Variants in GTF2F2 observed in about 807,000 individuals in gnomAD.
GTF2F2 encodes ATP-dependent helicase GTF2F2.
Under a neutral mutation model 42.2 loss-of-function variants are expected in GTF2F2, and 23 were observed. The ratio of observed to expected loss-of-function variants is 0.55; its 90% CI spans 0.39 to 0.77. GTF2F2 has a LOEUF of 0.77. Ranked by LOEUF, GTF2F2 falls within the 30% of genes least tolerant of loss-of-function variation. The pLI is 0.00. For synonymous variants in GTF2F2, 105 were observed against 100.8 expected, an observed-to-expected ratio of 1.04 and a Z score of -0.25; for missense variants, 261 against 287.2, an observed-to-expected ratio of 0.91 and a Z score of 0.66.
intron 5 of GTF2F2, among the ~76,000 whole-genome samples, chr13:45,224,780 T>G (rs1874260386): frequency 6.6e-6 from 1 of 152,242 alleles, no homozygotes; most frequent in Non-Finnish European, 1.5e-5. Context: ...TTTTCTGATT[T>G]TTATTCAAAT....
chr13:45,271,556 T>G (rs534337689), intron 7 of GTF2F2, among the ~76,000 whole-genome samples: 1 of 151,640 alleles, frequency 6.6e-6, no homozygotes, highest in South Asian at 2.1e-4. Context: ...CTAATTTTTT[T>G]TTTCTTTCTT....
chr13:45,202,769 A>G (rs972748647), intron 4 of GTF2F2, among the ~76,000 whole-genome samples: 1 of 152,244 alleles, frequency 6.6e-6, no homozygotes, highest in Non-Finnish European at 1.5e-5. Flanking sequence ...CCTGGTTACC[A>G]TGGTGAAACC....
At chr13:45,127,757 C>T (rs1393277424) in intron 1 of GTF2F2, among the ~76,000 whole-genome samples, 4 of 151,662 alleles carry the variant, frequency 2.6e-5, no homozygotes, top group Admixed American at 6.6e-5. Context: ...CTCAGTCTCC[C>T]GAGTAGCTGG....
chr13:45,128,532 C>T (rs551481852), intron 1 of GTF2F2, among the ~76,000 whole-genome samples: 1 of 150,988 alleles, frequency 6.6e-6, no homozygotes, highest in Non-Finnish European at 1.5e-5. Context: ...AAGATCATGC[C>T]ATTGCACTCC....
intron 5 of GTF2F2, among the ~76,000 whole-genome samples, chr13:45,226,509 A>G (rs1874361982): frequency 6.6e-6 from 1 of 152,178 alleles, no homozygotes; most frequent in African/African-American, 2.4e-5. Context: ...TATCAGAGAC[A>G]TACTATTTTG....
At chr13:45,122,775 T>A (rs1868724934) in intron 1 of GTF2F2, among the ~76,000 whole-genome samples, 1 of 152,232 alleles carries the variant, frequency 6.6e-6, no homozygotes, top group Non-Finnish European at 1.5e-5. Context: ...TTAAAAATAA[T>A]ACCTTGAGTT....
rs1180163660 is a variant in GTF2F2 at position 45,124,074 on chromosome 13, T to G, written c.66+3353T>G. 3.1e-6 allele frequency: 3 copies of G among 960,660 alleles called. No individual in the cohort carries two copies. In the African/African-American group the frequency reaches 4.8e-5, roughly 15 times the overall value. 59.5% of individuals were successfully genotyped at this position (960,660 alleles called of 1,614,324 possible). On this transcript the variant is annotated intron_variant, in intron 1 of 7. Coordinates refer to ENST00000340473, the MANE Select transcript of GTF2F2 (RefSeq NM_004128.3). ...ACCCTGTTGCTGTAGCCAAATTCATTGTCTTACCAGGAAATGAACTTGACA... is the reference window on the plus strand; with the variant it reads ...ACCCTGTTGCTGTAGCCAAATTCATGGTCTTACCAGGAAATGAACTTGACA...
In GTF2F2 at chr13:45,128,444, G is replaced by A. The variant is rs191286048; in HGVS notation, c.66+7723G>A. ...AAAAATTAGCTGGGCATGGTGGCGG[G>A]CGTCTATAATCCCAACTACTCGGGA... On this transcript the variant is annotated intron_variant, in intron 1 of 7. Transcript: ENST00000340473. 6.5e-3 allele frequency among the ~76,000 whole-genome samples: 977 copies of A among 150,694 alleles called. 8 individuals are homozygous for A. Among genetic ancestry groups the A allele is most frequent in the African/African-American group, 0.021 (885 of 41,364 alleles).
At chr13:45,205,731 C>T (rs1873386447) in intron 4 of GTF2F2, among the ~76,000 whole-genome samples, 1 of 152,050 alleles carries the variant, frequency 6.6e-6, no homozygotes, top group Admixed American at 6.6e-5. Context: ...TGTTGGCCAG[C>T]ATGGTCTCGA....
chr13:45,237,917 C>T (rs1170588753), intron 5 of GTF2F2, among the ~76,000 whole-genome samples: 1 of 151,702 alleles, frequency 6.6e-6, no homozygotes, highest in African/African-American at 2.4e-5. Flanking sequence ...TATTTAGGCA[C>T]TTTATTTGGA....
intron 6 of GTF2F2, among the ~76,000 whole-genome samples, chr13:45,264,562 C>T (rs1001823381): frequency 2.6e-5 from 4 of 152,138 alleles, no homozygotes; most frequent in African/African-American, 4.8e-5. Flanking sequence ...TGAGCCACTG[C>T]GCCTGGCCCC....
intron 4 of GTF2F2, among the ~76,000 whole-genome samples, chr13:45,174,352 A>C (rs980544092): frequency 6.6e-6 from 1 of 152,214 alleles, no homozygotes; most frequent in African/African-American, 2.4e-5. Context: ...CCACTGCCAC[A>C]TACAGAAAAG....
intron 4 of GTF2F2, among the ~76,000 whole-genome samples, chr13:45,169,098 G>A (rs564213117): frequency 1.7e-4 from 26 of 151,562 alleles, no homozygotes; most frequent in African/African-American, 4.8e-4. Context: ...CAAGTGATCC[G>A]ATCGCCTCGG....
Position 45,165,948 on chromosome 13 carries a change from G to T in GTF2F2, c.304+14117G>T, listed in dbSNP as rs145273181. ...CCTGTCTCAGCCTCCCGAGTAGCTG[G>T]GATTACAGGCGCCCGCCCCTACGCC... is the stretch of plus-strand genomic sequence containing the variant. On this transcript the variant is annotated intron_variant, in intron 4 of 7. Coordinates refer to ENST00000340473, the MANE Select transcript of GTF2F2 (RefSeq NM_004128.3). Among the ~76,000 whole-genome samples the T allele has an allele frequency of 1.4e-3, 215 of 151,470 alleles. 3 individuals carry two copies. In the East Asian group the frequency reaches 0.039, roughly 28 times the overall value.
At chr13:45,125,764 G>C (rs940634970) in intron 1 of GTF2F2, among the ~76,000 whole-genome samples, 4 of 152,168 alleles carry the variant, frequency 2.6e-5, no homozygotes, top group Non-Finnish European at 5.9e-5. Context: ...CATAGATTGG[G>C]TTCCCTGAGC....
intron 1 of GTF2F2, among the ~76,000 whole-genome samples, chr13:45,134,981 T>G: frequency 6.7e-6 from 1 of 148,372 alleles, no homozygotes. Flanking sequence ...GACACAAGAG[T>G]CTCTCTCTGT....
At chr13:45,246,548 A>T (rs1164719145) in intron 5 of GTF2F2, among the ~76,000 whole-genome samples, 4 of 152,144 alleles carry the variant, frequency 2.6e-5, no homozygotes, top group Non-Finnish European at 5.9e-5. Context: ...TAGCTTTCCT[A>T]GTCAGTGATG....
intron 4 of GTF2F2, among the ~76,000 whole-genome samples, chr13:45,205,201 G>A (rs185919314): frequency 2.6e-5 from 4 of 152,276 alleles, no homozygotes; most frequent in South Asian, 2.1e-4. Flanking sequence ...TCACGGTTCC[G>A]CATACCTGAG....
intron 4 of GTF2F2, 48 bp downstream of exon 4, chr13:45,151,879 A>G (rs1031405337): frequency 3.4e-6 from 2 of 582,118 alleles, no homozygotes; most frequent in African/African-American, 4.2e-5. Flanking sequence ...CATTTTGTAT[A>G]GATTTTCTGT....
Sources: gnomAD v4.1 joint callset for allele counts (sites outside exome capture counted in the v4.1 genomes callset) on GRCh38, gnomAD v4.1.1 for gene constraint, MANE v1.5 for transcripts, NCBI Gene and HGNC (gene_info 2026-07-23, HGNC 2026-07-21) for gene names.